Variants in SMIM12 observed in about 807,000 individuals in gnomAD.
SMIM12 encodes UPF0767 protein C1orf212.
Under a neutral mutation model 6.3 loss-of-function variants are expected in SMIM12, and 5 were observed. The observed-to-expected ratio is 0.80, with a 90% CI of 0.42 to 1.68. The LOEUF (loss-of-function observed/expected upper bound fraction) is 1.68. Ranked by LOEUF, SMIM12 falls within the 40% of genes most tolerant of loss-of-function variation. The pLI is 0.02. For synonymous variants in SMIM12, 51 were observed against 48.0 expected (o/e 1.06, Z -0.26); for missense variants, 103 against 121.4 (o/e 0.85, Z 0.71).
At position 34,854,882 on chromosome 1, in the gene SMIM12, G is replaced by C. The variant is rs1481348723; in HGVS notation, c.*817C>G. The C allele has an allele frequency of 7.9e-6, 2 of 254,236 alleles. No individual in the cohort carries two copies. Among genetic ancestry groups the C allele is most frequent in the Non-Finnish European group, 1.5e-5 (2 of 136,820 alleles). 15.7% of individuals were successfully genotyped at this position (254,236 alleles called of 1,614,324 possible). On this transcript the variant is annotated 3_prime_UTR_variant, in exon 2 of 2. Coordinates refer to ENST00000521580, the MANE Select transcript of SMIM12 (RefSeq NM_138428.6). The stretch of plus-strand genomic sequence containing the variant: ...TTGTAATAATGGTAAAAAGGTTCCT[G>C]GGAATCTGTGCCTCCAGGGTTCAGT...
Position 34,855,532 on chromosome 1 carries a change from G to A in SMIM12, c.*167C>T. On this transcript the variant is annotated 3_prime_UTR_variant, in exon 2 of 2. Transcript: ENST00000521580. ...CTTCACTGGCCCCTCGGCTGCTGCT[G>A]GGTCTGCCTGGCCATCAAGGAGCAG... is the stretch of plus-strand genomic sequence containing the variant. 1 of 1,612,182 alleles carries A rather than the reference G, an allele frequency of 6.2e-7. No homozygotes were observed. The highest frequency in any genetic ancestry group is 8.5e-7 in the Non-Finnish European group (1 of 1,179,324).
intron 1 of SMIM12, chr1:34,858,145 A>C (rs921768170): frequency 1.3e-5 from 2 of 151,102 alleles, no homozygotes; most frequent in East Asian, 3.9e-4. Flanking sequence ...CATCTCCAAG[A>C]CTCCCCCGCT....
chr1:34,855,832 A>G lies in SMIM12; in HGVS notation c.146T>C (p.Ile49Thr). 1 of 1,551,944 alleles carries G rather than the reference A, an allele frequency of 6.4e-7. No individual in the cohort carries two copies. ...CTTGCGATCCTCCCGGCGCTCTGAG[A>G]TGCTCTTTTCCTCCTCCACGGGCTG... ...DPQPVEEEKS[I>T]SERREDRKLD... is the part of the protein sequence containing the mutation. The change falls in exon 2 of 2, where the codon ATC (isoleucine) becomes ACC (threonine). Residue 49 changes from isoleucine to threonine, a missense_variant. Physicochemically the swap from Ile to Thr is moderately conservative, Grantham distance 89. Coordinates refer to ENST00000521580, the MANE Select transcript of SMIM12 (RefSeq NM_138428.6).
chr1:34,858,726 A>G (rs1320198177), intron 1 of SMIM12: 2 of 152,216 alleles, frequency 1.3e-5, no homozygotes, highest in Non-Finnish European at 2.9e-5. Context: ...CATGCAGCAT[A>G]AAGTCTCTCG....
In SMIM12 at chr1:34,855,750, T is replaced by C. The variant is rs1378825101; in HGVS notation, c.228A>G (p.Leu76=). Residue 76 remains leucine (L), a synonymous_variant, in exon 2 of 2, where the codon CTA becomes CTG. Transcript: ENST00000521580. ...HTQVVSLKDK[L]EFAPKAVLNR... The stretch of plus-strand genomic sequence containing the variant: ...TCAGCACAGCTTTCGGGGCAAATTC[T>C]AGCTTGTCCTTAAGGCTCACCACCT... 2 of 1,592,962 alleles carry C rather than the reference T, an allele frequency of 1.3e-6. No homozygotes were observed. The highest frequency in any genetic ancestry group is 1.8e-5 in the Admixed American group (1 of 55,710).
Position 34,852,397 on chromosome 1 carries a change from T to C in SMIM12, c.*3302A>G, listed in dbSNP as rs1358055115. 1.4e-5 allele frequency among the ~76,000 whole-genome samples: 2 copies of C among 140,048 alleles called. No homozygotes were observed. The highest frequency in any genetic ancestry group is 3.0e-5 in the Non-Finnish European group (2 of 66,216). 91.9% of individuals were successfully genotyped at this position (140,048 alleles called of 152,430 possible). A position where few individuals can be genotyped will look rare whatever the true frequency, so the allele number is the denominator to read the frequency against. ...GTTATTAAGCTGCCTTTGTACAGGA[T>C]GCCCAAAAGTGTTTTGAGGGAAACC... On this transcript the variant is annotated 3_prime_UTR_variant, in exon 2 of 2. Transcript: ENST00000521580.
chr1:34,850,679 G>T lies in SMIM12; in HGVS notation c.*5020C>A, dbSNP rs908588266. 6.6e-6 allele frequency: 1 copy of T among 152,114 alleles called. No individual in the cohort carries two copies. Among genetic ancestry groups the T allele is most frequent in the African/African-American group, 2.4e-5 (1 of 41,426 alleles). 9.4% of individuals were successfully genotyped at this position (152,114 alleles called of 1,614,324 possible). On this transcript the variant is annotated 3_prime_UTR_variant, in exon 2 of 2. Transcript: ENST00000521580. Reference sequence around the variant, plus strand: ...ACTGGTTGTCTCACTCTTTTCACACGATCAGCAGGGAACACGTTCCCCATT... The same window carrying T: ...ACTGGTTGTCTCACTCTTTTCACACTATCAGCAGGGAACACGTTCCCCATT...
Position 34,855,473 on chromosome 1 carries a change from C to A in SMIM12, c.*226G>T, listed in dbSNP as rs769015328. ...ACCAGTAAACTCAGATGCCTGAGTG[C>A]TTGTGGCCACCACACAACAGATGCG... On this transcript the variant is annotated 3_prime_UTR_variant, in exon 2 of 2. Transcript: ENST00000521580. The A allele has an allele frequency of 6.3e-7, 1 of 1,598,026 alleles. No individual in the cohort carries two copies. Among genetic ancestry groups the A allele is most frequent in the African/African-American group, 1.3e-5 (1 of 74,638 alleles).
In SMIM12 at chr1:34,850,556, T is replaced by C. The variant is rs1283828725; in HGVS notation, c.*5143A>G. 6.6e-6 allele frequency: 1 copy of C among 151,888 alleles called. No individual in the cohort carries two copies. Among genetic ancestry groups the C allele is most frequent in the Non-Finnish European group, 1.5e-5 (1 of 67,962 alleles). The allele number at this position is 151,888 out of a possible 1,614,324, so 9.4% of individuals were successfully genotyped here. A position where few individuals can be genotyped will look rare whatever the true frequency, so the allele number is the denominator to read the frequency against. ...GGAAAGAAATAATAGCACATGTATT[T>C]GTATTTTATTATTCAGACTGGCTGC... On this transcript the variant is annotated 3_prime_UTR_variant, in exon 2 of 2. Transcript: ENST00000521580.
Position 34,855,856 on chromosome 1 carries a change from T to A in SMIM12, c.122A>T (p.Gln41Leu). The change falls in exon 2 of 2, where the codon CAG (glutamine) becomes CTG (leucine). Residue 41 changes from glutamine (Q) to leucine (L), a missense_variant. Transcript: ENST00000521580. ...LEWFIRGKDP[Q>L]PVEEEKSISE... ...GATGCTCTTTTCCTCCTCCACGGGC[T>A]GGGGGTCCTTTCCCCTGATGAACCA... 1 of 1,551,726 alleles carries A rather than the reference T, an allele frequency of 6.4e-7. No individual in the cohort carries two copies. The highest frequency in any genetic ancestry group is 2.4e-5 in the East Asian group (1 of 40,904).
At position 34,854,613 on chromosome 1, in the gene SMIM12, T is replaced by C. The variant is rs112054340; in HGVS notation, c.*1086A>G. The C allele has an allele frequency of 8.5e-5, 13 of 152,428 alleles. No individual in the cohort carries two copies. Among genetic ancestry groups the C allele is most frequent in the African/African-American group, 2.4e-4 (10 of 41,526 alleles). 9.4% of individuals were successfully genotyped at this position (152,428 alleles called of 1,614,324 possible). A position where few individuals can be genotyped will look rare whatever the true frequency, so the allele number is the denominator to read the frequency against. On this transcript the variant is annotated 3_prime_UTR_variant, in exon 2 of 2. Transcript: ENST00000521580. Reference sequence around the variant, plus strand: ...ACCATGTAAAATGGGAAAATGATAATAGTGAGAAAAGTATATAAAATTAAA... The same window carrying C: ...ACCATGTAAAATGGGAAAATGATAACAGTGAGAAAAGTATATAAAATTAAA...
Position 34,851,982 on chromosome 1 carries a change from A to G in SMIM12, c.*3717T>C, listed in dbSNP as rs1356829684. On this transcript the variant is annotated 3_prime_UTR_variant, in exon 2 of 2. Transcript: ENST00000521580. ...CAGCAACCCTGACCTGTCTATACCC[A>G]CGTCCACATAAACCTTGCTATCTAA... 6.6e-6 allele frequency among the ~76,000 whole-genome samples: 1 copy of G among 152,214 alleles called. No homozygotes were observed. Among genetic ancestry groups the G allele is most frequent in the Non-Finnish European group, 1.5e-5 (1 of 68,030 alleles).
chr1:34,855,733 G>GAA lies in SMIM12; in HGVS notation c.244_245insTT (p.Ala82ValfsTer4), dbSNP rs1432309215. 6.2e-7 allele frequency: 1 copy of GAA among 1,606,104 alleles called. No homozygotes were observed. The highest frequency in any genetic ancestry group is 1.3e-5 in the African/African-American group (1 of 74,894). On this transcript the variant is annotated frameshift_variant, in exon 2 of 2. Coordinates refer to ENST00000521580, the MANE Select transcript of SMIM12 (RefSeq NM_138428.6). LOFTEE classifies it high-confidence loss of function. ...CTCTGGGCGGTTTCTGTTCAGCACA[G>GAA]CTTTCGGGGCAAATTCTAGCTTGTC...
At position 34,852,029 on chromosome 1, in the gene SMIM12, A is replaced by G. The variant is rs1640945127; in HGVS notation, c.*3670T>C. On this transcript the variant is annotated 3_prime_UTR_variant, in exon 2 of 2. Transcript: ENST00000521580. ...CTAATGTCACCCGAGCAGAGGCAAGAGCACATATACTATCTTACAGCCACC... is the reference window on the plus strand; with the variant it reads ...CTAATGTCACCCGAGCAGAGGCAAGGGCACATATACTATCTTACAGCCACC... Among the ~76,000 whole-genome samples, 1 of 152,244 alleles carries G rather than the reference A, an allele frequency of 6.6e-6. No individual in the cohort carries two copies. The highest frequency in any genetic ancestry group is 1.5e-5 in the Non-Finnish European group (1 of 68,042).
chr1:34,855,389 C>T lies in SMIM12; in HGVS notation c.*310G>A, dbSNP rs762855303. 8 of 1,484,944 alleles carry T rather than the reference C, an allele frequency of 5.4e-6. No homozygotes were observed. Among genetic ancestry groups the T allele is most frequent in the East Asian group, 6.2e-5 (2 of 32,038 alleles). The allele number at this position is 1,484,944 out of a possible 1,614,324, so 92.0% of individuals were successfully genotyped here. On this transcript the variant is annotated 3_prime_UTR_variant, in exon 2 of 2. Coordinates refer to ENST00000521580, the MANE Select transcript of SMIM12 (RefSeq NM_138428.6). ...CAGCCATTCCCACTAGAGGCCAAAC[C>T]GCCTGCCCACAGAGATTGACAGCCA...
chr1:34,856,175 G>A (rs1035413410), intron 1 of SMIM12, among the ~76,000 whole-genome samples, 193 bp from the exon 2 acceptor site: 1 of 150,392 alleles, frequency 6.6e-6, no homozygotes, highest in South Asian at 2.1e-4. Flanking sequence ...CCACCTCCCA[G>A]GTTCAAGCAA....
rs1283166018 is a variant in SMIM12, at chr1:34,850,825, G to C, written c.*4874C>G. The C allele has an allele frequency of 6.6e-6, 1 of 152,258 alleles. No individual in the cohort carries two copies. Among genetic ancestry groups the C allele is most frequent in the Non-Finnish European group, 1.5e-5 (1 of 68,080 alleles). 9.4% of individuals were successfully genotyped at this position (152,258 alleles called of 1,614,324 possible). A position where few individuals can be genotyped will look rare whatever the true frequency, so the allele number is the denominator to read the frequency against. On this transcript the variant is annotated 3_prime_UTR_variant, in exon 2 of 2. Coordinates refer to ENST00000521580, the MANE Select transcript of SMIM12 (RefSeq NM_138428.6). The stretch of plus-strand genomic sequence containing the variant: ...ATTCTCCTGATCTGTGACCTCCTGG[G>C]CATTCTGGCCAATCTGCTTCCCTCT...
rs34535449 is a variant in SMIM12 at position 34,852,463 on chromosome 1, CAAAAA to C, written c.*3231_*3235del. Among the ~76,000 whole-genome samples the C allele has an allele frequency of 3.7e-5, 3 of 81,828 alleles. No homozygotes were observed. Among genetic ancestry groups the C allele is most frequent in the Admixed American group, 1.7e-4 (1 of 5,926 alleles). 53.7% of individuals were successfully genotyped at this position (81,828 alleles called of 152,430 possible). Reference sequence around the variant, plus strand: ...TATTTGTAACAAGTTGTTAGATCGCCAAAAAAAAAAAAAAAAAAAAAACCATAATT... The same window carrying C: ...TATTTGTAACAAGTTGTTAGATCGCCAAAAAAAAAAAAAAAAACCATAATT... On this transcript the variant is annotated 3_prime_UTR_variant, in exon 2 of 2. Coordinates refer to ENST00000521580, the MANE Select transcript of SMIM12 (RefSeq NM_138428.6).
rs1344494281 is a variant in SMIM12 at position 34,855,759 on chromosome 1, C to CTTAA, written c.215_218dup (p.Lys73AsnfsTer2). 6.3e-7 allele frequency: 1 copy of CTTAA among 1,583,698 alleles called. No homozygotes were observed. The highest frequency in any genetic ancestry group is 2.3e-5 in the East Asian group (1 of 43,258). The stretch of plus-strand genomic sequence containing the variant: ...CTTTCGGGGCAAATTCTAGCTTGTC[C>CTTAA]TTAAGGCTCACCACCTGCGTGTGGT... On this transcript the variant is annotated stop_gained and frameshift_variant, in exon 2 of 2. Coordinates refer to ENST00000521580, the MANE Select transcript of SMIM12 (RefSeq NM_138428.6). LOFTEE classifies it high-confidence loss of function.
Sources: allele counts gnomAD v4.1 joint callset (sites outside exome capture counted in the v4.1 genomes callset), GRCh38; gene constraint gnomAD v4.1.1; transcripts MANE v1.5; gene names NCBI Gene and HGNC (gene_info 2026-07-23, HGNC 2026-07-21).